Variants in SDK1 observed in about 807,000 individuals in gnomAD.
SDK1 encodes the protein sidekick cell adhesion molecule 1.
In SDK1, 157 loss-of-function variants were observed where a neutral mutation model predicts 245.5. The ratio of observed to expected loss-of-function variants is 0.64; its 90% confidence interval spans 0.56 to 0.73. The LOEUF is 0.73. SDK1 is among the 30% of genes least tolerant of loss of function. The pLI is 0.00. For missense variants in SDK1, 3,583 were observed against 3,002.3 expected, an observed-to-expected ratio of 1.19 and a Z score of -4.52; for synonymous variants, 1,647 against 1,278.5, an observed-to-expected ratio of 1.29 and a Z score of -6.15.
intron 17 of SDK1, among the ~76,000 whole-genome samples, chr7:4,045,578 C>G (rs989037948): frequency 6.6e-6 from 1 of 152,140 alleles, no homozygotes. Context: ...TTTTACATGT[C>G]TTGTGCACAG....
At chr7:4,110,094 G>A (rs868828221) in intron 22 of SDK1, among the ~76,000 whole-genome samples, 4 of 152,132 alleles carry the variant, frequency 2.6e-5, no homozygotes, top group African/African-American at 9.7e-5. Flanking sequence ...AGGGGACTGG[G>A]CCTGCCGATC....
At position 4,175,408 on chromosome 7, in the gene SDK1, G is replaced by A. The variant is rs559089350; in HGVS notation, c.4937-367G>A. 9.6e-4 allele frequency among the ~76,000 whole-genome samples: 146 copies of A among 152,356 alleles called. 2 individuals are homozygous for A. Among genetic ancestry groups the A allele is most frequent in the Middle Eastern group, 6.8e-3 (2 of 294 alleles). On this transcript the variant is annotated intron_variant, in intron 33 of 44. Coordinates refer to ENST00000404826, the MANE Select transcript of SDK1 (RefSeq NM_152744.4). The stretch of plus-strand genomic sequence containing the variant: ...GGTGGTTTGCTCGGCTCCTCCAGCC[G>A]GGGCTCCCTGCGTGAGCATGAGTCA...
At chr7:3,605,125 TGAG>T (rs1010991146) in intron 1 of SDK1, among the ~76,000 whole-genome samples, 45 of 117,958 alleles carry the variant, frequency 3.8e-4, no homozygotes, top group African/African-American at 1.7e-3. Context: ...CTATAGCACT[TGAG>T]GAAAAAAAAA....
At chr7:3,866,723 G>A (rs992684646) in intron 5 of SDK1, among the ~76,000 whole-genome samples, 2 of 152,210 alleles carry the variant, frequency 1.3e-5, no homozygotes, top group Non-Finnish European at 2.9e-5. Context: ...CACCAGGCTG[G>A]TTAGAGTGGG....
intron 17 of SDK1, among the ~76,000 whole-genome samples, chr7:4,035,125 C>A (rs556286377): frequency 2.0e-5 from 3 of 151,942 alleles, no homozygotes; most frequent in East Asian, 3.9e-4. Flanking sequence ...ATTACAAGCA[C>A]GTACCACCAT....
At chr7:3,420,562 G>T (rs913444992) in intron 1 of SDK1, among the ~76,000 whole-genome samples, 7 of 152,130 alleles carry the variant, frequency 4.6e-5, no homozygotes, top group African/African-American at 9.7e-5. Context: ...TTTAGGGGGA[G>T]GGTTAAGGAA....
At chr7:3,744,155 A>G (rs563917573) in intron 4 of SDK1, among the ~76,000 whole-genome samples, 3 of 151,942 alleles carry the variant, frequency 2.0e-5, no homozygotes, top group Non-Finnish European at 4.4e-5. Context: ...AGATTTTTCC[A>G]TGGCCTGGTG....
chr7:4,169,575 C>T (rs1781711167), intron 32 of SDK1, among the ~76,000 whole-genome samples: 2 of 152,220 alleles, frequency 1.3e-5, no homozygotes, highest in South Asian at 2.1e-4. Context: ...TCAGAGCCGC[C>T]TTCCTCACTC....
chr7:4,138,479 C>T (rs936308296), intron 28 of SDK1, among the ~76,000 whole-genome samples: 3 of 152,124 alleles, frequency 2.0e-5, no homozygotes, highest in African/African-American at 7.2e-5. Context: ...GGCATGGTGG[C>T]TCATGCCTGT....
intron 1 of SDK1, among the ~76,000 whole-genome samples, chr7:3,347,490 C>T (rs549179679): frequency 6.6e-6 from 1 of 152,136 alleles, no homozygotes; most frequent in Non-Finnish European, 1.5e-5. Flanking sequence ...AGTCAAGGCT[C>T]CAGAACCCTA....
intron 4 of SDK1, among the ~76,000 whole-genome samples, chr7:3,783,666 C>A (rs1015930826): frequency 6.6e-6 from 1 of 152,004 alleles, no homozygotes; most frequent in Non-Finnish European, 1.5e-5. Context: ...GAGTGAAGAC[C>A]TTTACACTGA....
At chr7:4,226,372 A>G (rs1438672230) in intron 40 of SDK1, among the ~76,000 whole-genome samples, 1 of 152,064 alleles carries the variant, frequency 6.6e-6, no homozygotes, top group Admixed American at 6.6e-5. Flanking sequence ...GAGACAAGAC[A>G]CTCATCAGCT....
At chr7:4,195,660 C>T (rs1401645704) in intron 35 of SDK1, among the ~76,000 whole-genome samples, 1 of 152,226 alleles carries the variant, frequency 6.6e-6, no homozygotes, top group Admixed American at 6.5e-5. Flanking sequence ...ATGCCCAGGT[C>T]TGGCTCCTGG....
chr7:3,832,230 CTT>C (rs911324826), intron 5 of SDK1, among the ~76,000 whole-genome samples: 3 of 152,130 alleles, frequency 2.0e-5, no homozygotes, highest in Admixed American at 6.5e-5. Context: ...CCAGGTTTGT[CTT>C]TTCCCCAAAG....
chr7:4,118,045 A>G (rs1276421792), intron 25 of SDK1, among the ~76,000 whole-genome samples: 3 of 152,240 alleles, frequency 2.0e-5, no homozygotes, highest in Non-Finnish European at 4.4e-5. Context: ...ATTTGGTTCC[A>G]GAAACCAAAA....
chr7:3,583,582 C>T (rs1780586301), intron 1 of SDK1, among the ~76,000 whole-genome samples: 1 of 152,130 alleles, frequency 6.6e-6, no homozygotes, highest in Non-Finnish European at 1.5e-5. Flanking sequence ...AAGTACAAAA[C>T]CCTCTACTTG....
chr7:3,866,316 A>G (rs1230440429), intron 5 of SDK1, among the ~76,000 whole-genome samples: 2 of 152,332 alleles, frequency 1.3e-5, no homozygotes, highest in East Asian at 3.9e-4. Flanking sequence ...GAGAACAAAG[A>G]TGACCCTGCT....
chr7:3,905,243 C>G (rs73294659), intron 5 of SDK1, among the ~76,000 whole-genome samples: 4,454 of 151,980 alleles, frequency 0.029, 244 homozygotes, highest in African/African-American at 0.1. Flanking sequence ...TGTCAGTCTC[C>G]TATATGGACA....
intron 4 of SDK1, among the ~76,000 whole-genome samples, chr7:3,708,034 C>T (rs186025418): frequency 1.3e-5 from 2 of 152,174 alleles, no homozygotes; most frequent in East Asian, 3.9e-4. Context: ...GCTCATGGTA[C>T]TGTAGGTTGT....
Sources: gnomAD v4.1 joint callset for allele counts (sites outside exome capture counted in the v4.1 genomes callset) on GRCh38, gnomAD v4.1.1 for gene constraint, MANE v1.5 for transcripts, NCBI Gene and HGNC (gene_info 2026-07-23, HGNC 2026-07-21) for gene names.